Variants in DLGAP2 observed in about 807,000 individuals in gnomAD.
DLGAP2 encodes the protein DLG associated protein 2, also known as disks large-associated protein 2.
DLGAP2 carries 26 observed loss-of-function variants against 100.3 expected under a neutral mutation model. The ratio of observed to expected loss-of-function variants is 0.26; its 90% CI spans 0.19 to 0.36. The LOEUF is 0.36. DLGAP2 is among the 10% of genes least tolerant of loss of function. The pLI is 1.00. For missense variants in DLGAP2, 1,858 were observed against 1,453.2 expected, an observed-to-expected ratio of 1.28 and a Z score of -4.53; for synonymous variants, 886 against 630.1, an observed-to-expected ratio of 1.41 and a Z score of -6.08.
At chr8:1,181,819 G>T (rs1325272794) in intron 2 of DLGAP2, among the ~76,000 whole-genome samples, 1 of 152,274 alleles carries the variant, frequency 6.6e-6, no homozygotes, top group South Asian at 2.1e-4. Flanking sequence ...CACGCAGAAG[G>T]CTATGAGTGA....
At chr8:1,206,777 CT>C (rs1242450385) in intron 2 of DLGAP2, among the ~76,000 whole-genome samples, 1 of 152,234 alleles carries the variant, frequency 6.6e-6, no homozygotes, top group Non-Finnish European at 1.5e-5. Flanking sequence ...TCTGCCATCG[CT>C]GCTACCATTC....
At chr8:1,539,502 C>A in intron 4 of DLGAP2, among the ~76,000 whole-genome samples, 1 of 152,164 alleles carries the variant, frequency 6.6e-6, no homozygotes, top group East Asian at 1.9e-4. Context: ...TAACTTGTGC[C>A]TGGAGCCAGA....
chr8:954,196 T>G (rs1264306109), intron 2 of DLGAP2, among the ~76,000 whole-genome samples: 1 of 152,188 alleles, frequency 6.6e-6, no homozygotes, highest in African/African-American at 2.4e-5. Context: ...AAGTTACCAG[T>G]TTTTTGTGTA....
chr8:790,374 G>A (rs1160221591), intron 1 of DLGAP2, among the ~76,000 whole-genome samples: 1 of 152,118 alleles, frequency 6.6e-6, no homozygotes, highest in African/African-American at 2.4e-5. Context: ...ATATTTGTTG[G>A]GTCTATGTAT....
intron 2 of DLGAP2, among the ~76,000 whole-genome samples, chr8:996,644 G>T (rs1250673884): frequency 6.6e-6 from 1 of 152,182 alleles, no homozygotes; most frequent in Non-Finnish European, 1.5e-5. Context: ...AGAAGGTTTT[G>T]TCTGTTCAGT....
At chr8:1,669,302 A>G (rs143692865) in intron 9 of DLGAP2, among the ~76,000 whole-genome samples, 1 of 152,340 alleles carries the variant, frequency 6.6e-6, no homozygotes, top group Non-Finnish European at 1.5e-5. Context: ...TAGACGTGGC[A>G]GACGGTTCCT....
At chr8:818,694 G>A (rs1398011474) in intron 1 of DLGAP2, among the ~76,000 whole-genome samples, 2 of 152,200 alleles carry the variant, frequency 1.3e-5, no homozygotes, top group Non-Finnish European at 2.9e-5. Context: ...TGTGCAAACT[G>A]TGCTGAGAAT....
intron 1 of DLGAP2, among the ~76,000 whole-genome samples, chr8:762,733 A>G (rs1028693015): frequency 2.0e-5 from 3 of 151,996 alleles, no homozygotes; most frequent in Non-Finnish European, 4.4e-5. Context: ...GCGGTGGCAC[A>G]GTCACCACAA....
At chr8:1,509,870 C>G (rs936822491) in intron 4 of DLGAP2, among the ~76,000 whole-genome samples, 16 of 152,120 alleles carry the variant, frequency 1.1e-4, no homozygotes, top group African/African-American at 3.9e-4. Context: ...ACCAGGTAAC[C>G]CAGCATCACC....
In DLGAP2 at chr8:871,293, C is replaced by G. The variant is rs527610440; in HGVS notation, c.19-36619C>G. On this transcript the variant is annotated intron_variant, in intron 1 of 14. Transcript: ENST00000637795. ...ATTAATTGGCTGCACTATCTTCTGT[C>G]CAAACTGTTAGTTGAGTTTTGGATG... 2.6e-5 allele frequency among the ~76,000 whole-genome samples: 4 copies of G among 152,352 alleles called. No individual in the cohort carries two copies. In the East Asian group the frequency reaches 7.7e-4, roughly 29 times the overall value.
At chr8:1,025,913 G>A (rs149540860) in intron 2 of DLGAP2, among the ~76,000 whole-genome samples, 6 of 152,294 alleles carry the variant, frequency 3.9e-5, no homozygotes, top group African/African-American at 1.2e-4. Context: ...ACGCTGCAGG[G>A]AAAGTTCCGT....
intron 1 of DLGAP2, among the ~76,000 whole-genome samples, chr8:897,840 T>A (rs1256816121): frequency 1.3e-5 from 2 of 152,016 alleles, no homozygotes; most frequent in Non-Finnish European, 2.9e-5. Context: ...CCGTGCGGGG[T>A]TGGCTCCTTC....
chr8:1,683,952 GTGTATATATATATATATA>G (rs1799039288), intron 12 of DLGAP2, among the ~76,000 whole-genome samples: 1 of 20,346 alleles, frequency 4.9e-5, no homozygotes, highest in African/African-American at 2.1e-4. Context: ...ATATATATGT[GTGTATATATATATATATA>G]TATATATATA....
At chr8:1,298,454 A>G (rs1800245132) in intron 3 of DLGAP2, among the ~76,000 whole-genome samples, 1 of 152,114 alleles carries the variant, frequency 6.6e-6, no homozygotes, top group Non-Finnish European at 1.5e-5. Context: ...CTGGGGTATA[A>G]ATACGGTTTC....
At chr8:751,479 C>A (rs1347065928) in intron 1 of DLGAP2, among the ~76,000 whole-genome samples, 2 of 152,332 alleles carry the variant, frequency 1.3e-5, no homozygotes, top group Middle Eastern at 3.4e-3. Context: ...ATATTTTTTT[C>A]CCCGGGGACA....
intron 3 of DLGAP2, among the ~76,000 whole-genome samples, chr8:1,416,174 C>T (rs1047186035): frequency 6.6e-6 from 1 of 152,188 alleles, no homozygotes; most frequent in Admixed American, 6.5e-5. Flanking sequence ...TGAAACCCAT[C>T]CTGTCCCCAG....
chr8:750,903 G>T lies in DLGAP2; in HGVS notation c.18+13078G>T, dbSNP rs565488956. On this transcript the variant is annotated intron_variant, in intron 1 of 14. Transcript: ENST00000637795. ...TCCAGTCCAAAAATAGACCTGTTCC[G>T]AAATATTTGTCACTGGGCCCCGGCT... 9.9e-5 allele frequency among the ~76,000 whole-genome samples: 15 copies of T among 152,216 alleles called. No individual in the cohort carries two copies. The South Asian group carries it at 1.4e-3, about 15-fold the overall frequency.
chr8:1,163,667 A>G (rs1027394232), intron 2 of DLGAP2, among the ~76,000 whole-genome samples: 4 of 152,292 alleles, frequency 2.6e-5, no homozygotes, highest in South Asian at 2.1e-4. Context: ...AGGGCCGGGG[A>G]TCGAGAAAAC....
At chr8:1,491,576 G>C (rs553561138) in intron 3 of DLGAP2, among the ~76,000 whole-genome samples, 3 of 152,324 alleles carry the variant, frequency 2.0e-5, no homozygotes, top group Admixed American at 2.0e-4. Context: ...GGTGTCTTTA[G>C]TATAAAACTT....
Sources: allele counts gnomAD v4.1 joint callset (sites outside exome capture counted in the v4.1 genomes callset), GRCh38; gene constraint gnomAD v4.1.1; transcripts MANE v1.5; gene names NCBI Gene and HGNC (gene_info 2026-07-23, HGNC 2026-07-21).